MYH8: variants seen among roughly 807,000 people sequenced by gnomAD.
MYH8 encodes the protein myosin-8.
In MYH8, 168 loss-of-function variants were observed where a neutral mutation model predicts 233.2. The observed-to-expected ratio is 0.72, with a 90% CI of 0.64 to 0.82. The LOEUF is 0.82. Ranked by LOEUF, MYH8 falls within the 40% of genes least tolerant of loss-of-function variation. MYH8 has a pLI of 0.00. For synonymous variants in MYH8, 785 were observed against 850.6 expected (o/e 0.92, Z 1.34); for missense variants, 1,995 against 2,327.8 (o/e 0.86, Z 2.94).
In MYH8 at chr17:10,409,339, G is replaced by T; in HGVS notation, c.1837C>A (p.Gln613Lys). The change falls in exon 16 of 40, where the codon CAG becomes AAG. Residue 613 changes from glutamine to lysine, a missense_variant. Physicochemically the swap from Gln to Lys is moderately conservative, Grantham distance 53. This residue lies in a region of MYH8 where 1,498 missense variants were observed against 1,680.9 expected (regional missense o/e 0.89). Coordinates refer to ENST00000403437, the MANE Select transcript of MYH8 (RefSeq NM_002472.3). ...GCTAGAGTCTTCATTGCAGACTTCT[G>T]GTACAGCCCAACCACAGTATCATTC... ...PLNDTVVGLYQKSAMKTLASL... is the reference protein window; with the variant it reads ...PLNDTVVGLYKKSAMKTLASL... 6.2e-7 allele frequency: 1 copy of T among 1,614,202 alleles called. No homozygotes were observed. Among genetic ancestry groups the T allele is most frequent in the Non-Finnish European group, 8.5e-7 (1 of 1,180,040 alleles).
Position 10,390,359 on chromosome 17 carries a change from G to C in MYH8, c.*95C>G. ...ATTTACTGTAGTTTTTATTTATTCAGCTTTAACAGGAAAATAAACGTCATA... is the reference window on the plus strand; with the variant it reads ...ATTTACTGTAGTTTTTATTTATTCACCTTTAACAGGAAAATAAACGTCATA... On this transcript the variant is annotated 3_prime_UTR_variant, in exon 40 of 40. Coordinates refer to ENST00000403437, the MANE Select transcript of MYH8 (RefSeq NM_002472.3). The C allele has an allele frequency of 6.7e-7, 1 of 1,495,274 alleles. No individual in the cohort carries two copies. The allele number at this position is 1,495,274 out of a possible 1,614,324, so 92.6% of individuals were successfully genotyped here. A position where few individuals can be genotyped will look rare whatever the true frequency, so the allele number is the denominator to read the frequency against.
chr17:10,421,761 T>G (rs186749672), intron 1 of MYH8, 55 bp from the exon 2 acceptor site: 1 of 152,340 alleles, frequency 6.6e-6, no homozygotes. Context: ...ATATTATAGT[T>G]ACAGAATTGT....
intron 20 of MYH8, 22 bp downstream of exon 20, chr17:10,406,252 G>T (rs200554562): frequency 6.3e-5 from 101 of 1,614,024 alleles, no homozygotes; most frequent in Admixed American, 3.3e-5. Flanking sequence ...CTTGGATCAG[G>T]TGTAAATAAA....
Position 10,415,549 on chromosome 17 carries a change from T to C in MYH8, c.571A>G (p.Thr191Ala), listed in dbSNP as rs745516575. 4.3e-6 allele frequency: 7 copies of C among 1,614,208 alleles called. No individual in the cohort carries two copies. The highest frequency in any genetic ancestry group is 3.3e-5 in the Admixed American group (2 of 60,020). Residue 191 changes from threonine to alanine, a missense_variant, in exon 7 of 40, where the codon ACC (threonine) becomes GCC (alanine). Transcript: ENST00000403437. The surrounding 1 kb of genome is among the most constrained non-coding windows in gnomAD (Gnocchi z 4.1). ...GESGAGKTVN[T>A]KRVIQYFATI... Reference sequence around the variant, plus strand: ...GCAAAGTATTGGATGACACGCTTGGTGTTCACAGTCTTTCCGGCACCAGAT... The same window carrying C: ...GCAAAGTATTGGATGACACGCTTGGCGTTCACAGTCTTTCCGGCACCAGAT...
Position 10,414,623 on chromosome 17 carries a change from A to G in MYH8, c.806-139T>C, listed in dbSNP as rs4791408. On this transcript the variant is annotated intron_variant, in intron 9 of 39. Transcript: ENST00000403437. The stretch of plus-strand genomic sequence containing the variant: ...TTCAACTTGATGACCAATTGCAGAT[A>G]GACAGTGATTCTCACTGTCTAAGGG... The G allele has an allele frequency of 0.46, 317,579 of 683,706 alleles. 79,460 individuals are homozygous for G. The highest frequency in any genetic ancestry group is 0.85 in the East Asian group (31,235 of 36,926). The allele number at this position is 683,706 out of a possible 1,614,324, so 42.4% of individuals were successfully genotyped here.
At chr17:10,409,636 G>T (rs1423250456) in intron 15 of MYH8, 48 bp from the exon 16 acceptor site, 9 of 1,607,060 alleles carry the variant, frequency 5.6e-6, no homozygotes, top group Non-Finnish European at 7.7e-6. Flanking sequence ...TCTCTCAAAA[G>T]ATAGAGACAT....
Position 10,396,456 on chromosome 17 carries a change from T to G in MYH8, c.4529-2A>C. On this transcript the variant is annotated splice_acceptor_variant, in intron 32 of 39. Transcript: ENST00000403437. LOFTEE classifies it high-confidence loss of function. This position sits in a 1 kb window ranked among gnomAD's most constrained non-coding sequence, Gnocchi z 4.2. ...GCTCAGTGAGGTCAGAAATCTCCTC[T>G]GTGGTTGAACAGACAGGAGAGAAAT... 6.2e-7 allele frequency: 1 copy of G among 1,614,132 alleles called. No individual in the cohort carries two copies.
chr17:10,413,872 A>G (rs766888249), intron 12 of MYH8, 30 bp downstream of exon 12: 2 of 1,613,902 alleles, frequency 1.2e-6, no homozygotes, highest in South Asian at 2.2e-5. Context: ...ACATTCTCTC[A>G]TTAAACCCAG....
chr17:10,396,912 T>G lies in MYH8; in HGVS notation c.4253A>C (p.Glu1418Ala). ...ATTCTGGAGCCGCTGCTTCGTCTTCTCAAGGGAAGCACATTTGGCGTTCAC... is the reference window on the plus strand; with the variant it reads ...ATTCTGGAGCCGCTGCTTCGTCTTCGCAAGGGAAGCACATTTGGCGTTCAC... The part of the protein sequence containing the change: ...EAVNAKCASL[E>A]KTKQRLQNEV... The change falls in exon 31 of 40, where the codon GAG (glutamate) becomes GCG (alanine). Residue 1418 changes from glutamate to alanine, a missense_variant. Coordinates refer to ENST00000403437, the MANE Select transcript of MYH8 (RefSeq NM_002472.3). This position sits in a 1 kb window ranked among gnomAD's most constrained non-coding sequence, Gnocchi z 4.2. 6 of 1,614,200 alleles carry G rather than the reference T, an allele frequency of 3.7e-6. No individual in the cohort carries two copies. Among genetic ancestry groups the G allele is most frequent in the Non-Finnish European group, 5.1e-6 (6 of 1,180,034 alleles).
rs200656694 is a variant in MYH8 at position 10,396,315 on chromosome 17, C to G, written c.4653+15G>C. The G allele has an allele frequency of 6.2e-7, 1 of 1,613,488 alleles. No individual in the cohort carries two copies. Among genetic ancestry groups the G allele is most frequent in the African/African-American group, 1.3e-5 (1 of 75,040 alleles). On this transcript the variant is annotated intron_variant, in intron 33 of 39. Coordinates refer to ENST00000403437, the MANE Select transcript of MYH8 (RefSeq NM_002472.3). This position sits in a 1 kb window ranked among gnomAD's most constrained non-coding sequence, Gnocchi z 4.2. ...GTCTTTGTTTTTCCATAACATAATA[C>G]AAGGTAATATGTACCTCTGCTTCCT...
chr17:10,410,683 A>C, intron 15 of MYH8, 94 bp downstream of exon 15: 1 of 1,595,722 alleles, frequency 6.3e-7, no homozygotes, highest in Non-Finnish European at 8.6e-7. Context: ...TCAGATCACA[A>C]ACCATTTGAG....
In MYH8 at chr17:10,420,068, T is replaced by C. The variant is rs369428507; in HGVS notation, c.160A>G (p.Ile54Val). 1.2e-6 allele frequency: 2 copies of C among 1,614,286 alleles called. No individual in the cohort carries two copies. The highest frequency in any genetic ancestry group is 1.7e-6 in the Non-Finnish European group (2 of 1,180,052). ...EPKESYVKSTIQSKEGGKVTV... is the reference protein window; with the variant it reads ...EPKESYVKSTVQSKEGGKVTV... ...ACTTTCCCTCCTTCTTTGCTTTGTA[T>C]AGTGCTCTTCACATAGGATTCCTTG... The change falls in exon 3 of 40, where the codon ATA becomes GTA. Residue 54 changes from isoleucine (I) to valine (V), a missense_variant. Ile to Val is a conservative substitution (Grantham distance 29, BLOSUM62 3). Coordinates refer to ENST00000403437, the MANE Select transcript of MYH8 (RefSeq NM_002472.3).
At position 10,406,028 on chromosome 17, in the gene MYH8, G is replaced by C; in HGVS notation, c.2432+13C>G. On this transcript the variant is annotated intron_variant, in intron 21 of 39. Transcript: ENST00000403437. ...AGGGACCTTATAATTCTGATATTCTGAATGATTGTTACCTCCTTTGCAACA... is the reference window on the plus strand; with the variant it reads ...AGGGACCTTATAATTCTGATATTCTCAATGATTGTTACCTCCTTTGCAACA... 1 of 1,613,088 alleles carries C rather than the reference G, an allele frequency of 6.2e-7. No homozygotes were observed. Among genetic ancestry groups the C allele is most frequent in the Non-Finnish European group, 8.5e-7 (1 of 1,179,374 alleles).
chr17:10,406,485 T>C (rs2072194964), intron 19 of MYH8, 88 bp from the exon 20 acceptor site: 2 of 1,573,626 alleles, frequency 1.3e-6, no homozygotes, highest in Non-Finnish European at 1.7e-6. Flanking sequence ...AACAAACATC[T>C]GAGAGTAGAA....
At position 10,406,696 on chromosome 17, in the gene MYH8, T is replaced by A; in HGVS notation, c.2165A>T (p.Lys722Ile). ...TACATCAAAGAAGACTGACCTTTGTTTGAAATCACCATATAAGATTCTGCT... is the reference window on the plus strand; with the variant it reads ...TACATCAAAGAAGACTGACCTTTGTATGAAATCACCATATAAGATTCTGCT... Reference protein sequence around the residue: ...FPSRILYGDFKQRYKVLNASA... With the variant: ...FPSRILYGDFIQRYKVLNASA... Residue 722 changes from lysine (K) to isoleucine (I), a missense_variant, in exon 19 of 40, where the codon AAA (lysine) becomes ATA (isoleucine). Transcript: ENST00000403437. The A allele has an allele frequency of 1.2e-6, 2 of 1,613,608 alleles. No homozygotes were observed. The highest frequency in any genetic ancestry group is 2.7e-5 in the African/African-American group (2 of 75,032).
intron 28 of MYH8, 102 bp from the exon 29 acceptor site, chr17:10,398,988 G>GTC: frequency 2.0e-6 from 1 of 500,762 alleles, no homozygotes; most frequent in Non-Finnish European, 3.4e-6. Flanking sequence ...GTATATATGT[G>GTC]TGTGTGTATA....
rs776577261 is a variant in MYH8, at chr17:10,414,262, T to C, written c.938A>G (p.Tyr313Cys). The C allele has an allele frequency of 1.9e-6, 3 of 1,614,076 alleles. No individual in the cohort carries two copies. In the African/African-American group the frequency reaches 4.0e-5, roughly 22 times the overall value. Residue 313 changes from tyrosine (Y) to cysteine (C), a missense_variant, in exon 11 of 40, where the codon TAT becomes TGT. This residue lies in a region of MYH8 where 479 missense variants were observed against 600.9 expected (regional missense o/e 0.80). Coordinates refer to ENST00000403437, the MANE Select transcript of MYH8 (RefSeq NM_002472.3). ...GATCTCCCCCTGACTGACGAAGGCA[T>C]AGTCATATGGGTTGGTGGTGATCAG... is the stretch of plus-strand genomic sequence containing the variant. The part of the protein sequence containing the change: ...MLLITTNPYD[Y>C]AFVSQGEITV...
Position 10,391,932 on chromosome 17 carries a change from C to T in MYH8, c.5614G>A (p.Asp1872Asn). 1 of 1,614,158 alleles carries T rather than the reference C, an allele frequency of 6.2e-7. No individual in the cohort carries two copies. Among genetic ancestry groups the T allele is most frequent in the Non-Finnish European group, 8.5e-7 (1 of 1,180,022 alleles). The change falls in exon 39 of 40, where the codon GAT becomes AAT. Residue 1872 changes from aspartate to asparagine, a missense_variant. Asp to Asn is a conservative substitution (Grantham distance 23, BLOSUM62 1). Coordinates refer to ENST00000403437, the MANE Select transcript of MYH8 (RefSeq NM_002472.3). ...KNVLRLQDLV[D>N]KLQAKVKSYK... is the part of the protein sequence containing the mutation. ...GATTTCACCTTCGCCTGTAATTTAT[C>T]TACCAAGTCCTGCAGCCTGAGAACA...
chr17:10,407,486 AGT>A (rs1491225519), intron 17 of MYH8, among the ~76,000 whole-genome samples: 1 of 152,090 alleles, frequency 6.6e-6, no homozygotes, highest in Non-Finnish European at 1.5e-5. Flanking sequence ...TCCTTCCTTG[AGT>A]GTAATATTTC....
Sources: allele counts gnomAD v4.1 joint callset (sites outside exome capture counted in the v4.1 genomes callset), GRCh38; gene constraint gnomAD v4.1.1; regional missense constraint gnomAD v4.1.1; non-coding constraint Gnocchi (gnomAD v3.1); transcripts MANE v1.5; gene names NCBI Gene and HGNC (gene_info 2026-07-23, HGNC 2026-07-21).